The following CCSER1 variants were observed in gnomAD, a reference collection of about 807,000 sequenced individuals.
CCSER1 encodes coiled-coil serine rich protein 1, also known as serine-rich coiled-coil domain-containing protein 1.
Under a neutral mutation model 82.0 loss-of-function variants are expected in CCSER1, and 41 were observed. The ratio of observed to expected loss-of-function variants is 0.50; its 90% CI spans 0.39 to 0.65. The LOEUF is 0.65. Ranked by LOEUF, CCSER1 falls within the 30% of genes least tolerant of loss-of-function variation. The pLI, the probability that CCSER1 is intolerant of heterozygous loss-of-function variation, is 0.00. For missense variants in CCSER1, 1,119 were observed against 1,064.2 expected (o/e 1.05, Z -0.72); for synonymous variants, 414 against 383.9 (o/e 1.08, Z -0.92).
At chr4:91,198,133 G>C (rs1041402291) in intron 10 of CCSER1, among the ~76,000 whole-genome samples, 1 of 152,076 alleles carries the variant, frequency 6.6e-6, no homozygotes, top group African/African-American at 2.4e-5. Context: ...ACAAATGACA[G>C]ATAATTGAAC....
intron 1 of CCSER1, among the ~76,000 whole-genome samples, chr4:90,259,373 G>A (rs936572154): frequency 1.3e-5 from 2 of 152,016 alleles, no homozygotes; most frequent in African/African-American, 4.8e-5. Context: ...TTTTGGATGA[G>A]TATTTATGGT....
intron 5 of CCSER1, among the ~76,000 whole-genome samples, chr4:90,524,273 C>G (rs1348617962): frequency 6.6e-6 from 1 of 152,080 alleles, no homozygotes; most frequent in Non-Finnish European, 1.5e-5. Context: ...ATAAGGAAAA[C>G]TTCAGGCCTT....
chr4:90,976,394 T>A (rs911374725), intron 9 of CCSER1, among the ~76,000 whole-genome samples: 1 of 151,236 alleles, frequency 6.6e-6, no homozygotes, highest in African/African-American at 2.4e-5. Context: ...TTTAAAAGCT[T>A]TATAATTATA....
intron 9 of CCSER1, among the ~76,000 whole-genome samples, chr4:91,071,384 G>A (rs961645411): frequency 1.3e-5 from 2 of 152,150 alleles, no homozygotes; most frequent in Admixed American, 6.6e-5. Context: ...TTGAGAAGGT[G>A]AGATACAAAC....
intron 9 of CCSER1, among the ~76,000 whole-genome samples, chr4:90,966,694 T>G (rs1263099021): frequency 1.3e-5 from 2 of 152,108 alleles, no homozygotes; most frequent in African/African-American, 2.4e-5. Flanking sequence ...ATATGAAAAC[T>G]TATACATTTA....
chr4:91,108,283 C>T (rs184420948), intron 10 of CCSER1, among the ~76,000 whole-genome samples: 7 of 152,226 alleles, frequency 4.6e-5, no homozygotes, highest in African/African-American at 1.7e-4. Context: ...TAATATTCTG[C>T]AAATGAAAAT....
At chr4:91,327,065 T>A (rs1191839195) in intron 10 of CCSER1, among the ~76,000 whole-genome samples, 2 of 152,170 alleles carry the variant, frequency 1.3e-5, no homozygotes, top group African/African-American at 2.4e-5. Flanking sequence ...AAGCTGTTGG[T>A]GGATCTATCG....
intron 10 of CCSER1, among the ~76,000 whole-genome samples, chr4:91,169,131 C>T (rs1383237625): frequency 6.6e-6 from 1 of 150,806 alleles, no homozygotes; most frequent in Non-Finnish European, 1.5e-5. Flanking sequence ...CTGACCTTGT[C>T]TCCACTATTA....
chr4:91,349,170 G>C (rs577880690), intron 10 of CCSER1, among the ~76,000 whole-genome samples: 13 of 152,122 alleles, frequency 8.5e-5, no homozygotes, highest in Non-Finnish European at 1.8e-4. Context: ...GCCTCCCAAA[G>C]TGCTGGGATT....
At position 91,575,915 on chromosome 4, in the gene CCSER1, G is replaced by A. The variant is rs188684707; in HGVS notation, c.2218-22657G>A. On this transcript the variant is annotated intron_variant, in intron 10 of 10. Coordinates refer to ENST00000509176, the MANE Select transcript of CCSER1 (RefSeq NM_001145065.2). The stretch of plus-strand genomic sequence containing the variant: ...ATATGGTTCATGAAAATATAAATTG[G>A]TTCAGCCATTATGAAAAAACTGTAC... 3.3e-4 allele frequency among the ~76,000 whole-genome samples: 50 copies of A among 151,928 alleles called. No individual in the cohort carries two copies. The East Asian group carries it at 8.3e-3, about 25-fold the overall frequency.
rs111904355 is a variant in CCSER1 at position 90,568,759 on chromosome 4, C to CT, written c.1725-59250dup. 4.6e-3 allele frequency among the ~76,000 whole-genome samples: 616 copies of CT among 134,424 alleles called. 1 individual carries two copies. Among genetic ancestry groups the CT allele is most frequent in the South Asian group, 0.02 (86 of 4,242 alleles). The allele number at this position is 134,424 out of a possible 152,430, so 88.2% of individuals were successfully genotyped here. A position where few individuals can be genotyped will look rare whatever the true frequency, so the allele number is the denominator to read the frequency against. ...TTTTGCTTTTTTACTTCCTCTCTTG[C>CT]TTTTTTTTTTTTTTTTCCTTTTTGA... is the stretch of plus-strand genomic sequence containing the variant. On this transcript the variant is annotated intron_variant, in intron 5 of 10. Coordinates refer to ENST00000509176, the MANE Select transcript of CCSER1 (RefSeq NM_001145065.2).
intron 10 of CCSER1, among the ~76,000 whole-genome samples, chr4:91,279,236 G>A (rs940404573): frequency 2.0e-5 from 3 of 152,144 alleles, no homozygotes; most frequent in South Asian, 2.1e-4. Context: ...TGACTATAAT[G>A]TCTTGGGAAG....
intron 3 of CCSER1, among the ~76,000 whole-genome samples, chr4:90,341,599 T>C (rs1741391577): frequency 6.6e-6 from 1 of 152,138 alleles, no homozygotes; most frequent in Admixed American, 6.5e-5. Flanking sequence ...TCTTCTATGA[T>C]ATTTATTTAC....
chr4:90,221,009 A>G (rs1410584111), intron 1 of CCSER1, among the ~76,000 whole-genome samples: 2 of 152,212 alleles, frequency 1.3e-5, no homozygotes, highest in Non-Finnish European at 2.9e-5. Context: ...TGATTTAGAA[A>G]TTGAATTTAT....
At chr4:91,419,138 A>G (rs1406412964) in intron 10 of CCSER1, among the ~76,000 whole-genome samples, 1 of 152,062 alleles carries the variant, frequency 6.6e-6, no homozygotes, top group Non-Finnish European at 1.5e-5. Context: ...CTCAATAGTG[A>G]AAAGCTGAAG....
At chr4:91,228,114 A>G (rs924597934) in intron 10 of CCSER1, among the ~76,000 whole-genome samples, 2 of 152,034 alleles carry the variant, frequency 1.3e-5, no homozygotes, top group African/African-American at 4.8e-5. Context: ...TCCCATTATT[A>G]AAGAAATCCT....
chr4:91,468,840 T>C (rs139271834), intron 10 of CCSER1, among the ~76,000 whole-genome samples: 2,249 of 152,232 alleles, frequency 0.015, 35 homozygotes, highest in Non-Finnish European at 0.025. Flanking sequence ...GAGGTATAAA[T>C]ACATCTCAAG....
At chr4:91,398,927 A>AG (rs1356935137) in intron 10 of CCSER1, among the ~76,000 whole-genome samples, 2 of 151,992 alleles carry the variant, frequency 1.3e-5, no homozygotes, top group Non-Finnish European at 2.9e-5. Flanking sequence ...GAGGAGCACT[A>AG]GTCCAGAGCT....
intron 10 of CCSER1, among the ~76,000 whole-genome samples, chr4:91,553,236 GT>G (rs1249667112): frequency 6.6e-6 from 1 of 151,464 alleles, no homozygotes; most frequent in Non-Finnish European, 1.5e-5. Context: ...TTGCATCTCA[GT>G]GATGAATCCC....
Sources: allele counts gnomAD v4.1 joint callset (sites outside exome capture counted in the v4.1 genomes callset), GRCh38; gene constraint gnomAD v4.1.1; transcripts MANE v1.5; gene names NCBI Gene and HGNC (gene_info 2026-07-23, HGNC 2026-07-21).